Variants in DOCK1 observed in about 807,000 individuals in gnomAD.
The protein encoded by DOCK1 is dedicator of cytokinesis 1, also known as dedicator of cytokinesis protein 1.
A neutral mutation model predicts 262.7 loss-of-function variants in DOCK1; 138 were observed. The ratio of observed to expected loss-of-function variants is 0.53; its 90% CI spans 0.46 to 0.61. The LOEUF (loss-of-function observed/expected upper bound fraction) is 0.61. Ranked by LOEUF, DOCK1 falls within the 20% of genes least tolerant of loss-of-function variation. The probability of loss-of-function intolerance (pLI) is 0.00; values close to 1 mark genes in which losing one functional copy is unlikely to be tolerated. For synonymous variants in DOCK1, 866 were observed against 867.4 expected, an observed-to-expected ratio of 1.00 and a Z score of 0.03; for missense variants, 1,908 against 2,370.7, an observed-to-expected ratio of 0.80 and a Z score of 4.05.
At chr10:126,976,039 C>T (rs1010565371) in intron 2 of DOCK1, among the ~76,000 whole-genome samples, 1 of 152,162 alleles carries the variant, frequency 6.6e-6, no homozygotes, top group Admixed American at 6.5e-5. Context: ...GTTGAAAATG[C>T]AGGAAGACTA....
chr10:127,342,499 G>A (rs2386830), intron 30 of DOCK1, among the ~76,000 whole-genome samples: 102,639 of 151,994 alleles, frequency 0.68, 35,474 homozygotes, highest in Middle Eastern at 0.77. Flanking sequence ...ATTCTGTGGT[G>A]ATCAAATGAG....
At chr10:127,093,242 C>CTTTTCTTTCTTTCTTTCTTTCTTTCT (rs2047679021) in intron 23 of DOCK1, among the ~76,000 whole-genome samples, 1 of 79,342 alleles carries the variant, frequency 1.3e-5, no homozygotes, top group African/African-American at 6.7e-5. Context: ...TTTCTTTCTT[C>CTTTTCTTTCTTTCTTTCTTTCTTTCT]TTTTTTTTTT....
chr10:127,205,315 C>T (rs549124389), intron 27 of DOCK1, among the ~76,000 whole-genome samples: 1 of 152,316 alleles, frequency 6.6e-6, no homozygotes, highest in East Asian at 1.9e-4. Context: ...TTCTCTGCTT[C>T]CGACTCCAGC....
intron 32 of DOCK1, among the ~76,000 whole-genome samples, chr10:127,360,390 CA>C (rs2064356804): frequency 6.6e-6 from 1 of 152,226 alleles, no homozygotes; most frequent in South Asian, 2.1e-4. Context: ...GCCACCACAT[CA>C]GGCCCAGCTG....
intron 25 of DOCK1, among the ~76,000 whole-genome samples, chr10:127,119,049 C>CTTTT (rs10655577): frequency 7.1e-4 from 104 of 146,070 alleles, no homozygotes; most frequent in African/African-American, 2.2e-3. Context: ...AGGAATCAGG[C>CTTTT]TTTTTTTTTT....
At chr10:127,195,589 A>C (rs1564893000) in intron 27 of DOCK1, among the ~76,000 whole-genome samples, 1 of 151,692 alleles carries the variant, frequency 6.6e-6, no homozygotes, top group East Asian at 1.9e-4. Flanking sequence ...AAAATACTTA[A>C]AAGCCTCGAA....
At chr10:127,212,664 T>G (rs1407141270) in intron 27 of DOCK1, among the ~76,000 whole-genome samples, 1 of 152,064 alleles carries the variant, frequency 6.6e-6, no homozygotes, top group Non-Finnish European at 1.5e-5. Flanking sequence ...AGTGTTGTTT[T>G]TTTTTTCTCA....
At chr10:127,346,587 C>T (rs1487013959) in intron 31 of DOCK1, among the ~76,000 whole-genome samples, 1 of 152,130 alleles carries the variant, frequency 6.6e-6, no homozygotes, top group Non-Finnish European at 1.5e-5. Context: ...CAGAGTGAGA[C>T]CGTCTGTCTC....
At chr10:127,144,152 T>A (rs948270116) in intron 27 of DOCK1, among the ~76,000 whole-genome samples, 1 of 152,184 alleles carries the variant, frequency 6.6e-6, no homozygotes, top group Non-Finnish European at 1.5e-5. Context: ...TTAGTCTCCC[T>A]CACTCTCTGT....
In DOCK1 at chr10:127,451,481, C is replaced by T. The variant is rs759482443; in HGVS notation, c.*54C>T. ...CTGCCCCTCCCCATCTCCATGCCCT[C>T]TCCTTCTGTGTCCCCTGAGTCTGCT... On this transcript the variant is annotated 3_prime_UTR_variant, in exon 52 of 52. Coordinates refer to ENST00000623213, the MANE Select transcript of DOCK1 (RefSeq NM_001290223.2). 36 of 1,549,482 alleles carry T rather than the reference C, an allele frequency of 2.3e-5. No individual in the cohort carries two copies. Among genetic ancestry groups the T allele is most frequent in the Non-Finnish European group, 1.7e-5 (19 of 1,147,074 alleles).
intron 2 of DOCK1, 116 bp downstream of exon 2, chr10:126,970,901 T>C: frequency 8.6e-7 from 1 of 1,158,622 alleles, no homozygotes; most frequent in South Asian, 1.9e-5. Flanking sequence ...TCATGCTTCC[T>C]TCTCAGGCTC....
intron 27 of DOCK1, among the ~76,000 whole-genome samples, chr10:127,211,164 T>C (rs919183466): frequency 6.6e-6 from 1 of 152,164 alleles, no homozygotes; most frequent in Non-Finnish European, 1.5e-5. Context: ...CTTAAAGCCT[T>C]AGCTGGGCTG....
chr10:126,917,159 C>T (rs1458516085), intron 1 of DOCK1, among the ~76,000 whole-genome samples: 1 of 152,180 alleles, frequency 6.6e-6, no homozygotes, highest in Non-Finnish European at 1.5e-5. Flanking sequence ...ACCCTGGAGT[C>T]GAGCATATTG....
chr10:127,006,567 T>C (rs1453844066), intron 10 of DOCK1, among the ~76,000 whole-genome samples: 1 of 152,198 alleles, frequency 6.6e-6, no homozygotes, highest in East Asian at 1.9e-4. Context: ...CGTGGGGCTG[T>C]GTGCGGAAGA....
intron 29 of DOCK1, among the ~76,000 whole-genome samples, chr10:127,280,824 A>T (rs1156768397): frequency 1.3e-5 from 2 of 151,288 alleles, no homozygotes; most frequent in African/African-American, 4.9e-5. Flanking sequence ...TCTCCTTTTC[A>T]TTTTTTCATT....
chr10:127,351,145 C>T lies in DOCK1; in HGVS notation c.3225-3524C>T, dbSNP rs77941744. On this transcript the variant is annotated intron_variant, in intron 31 of 51. Coordinates refer to ENST00000623213, the MANE Select transcript of DOCK1 (RefSeq NM_001290223.2). ...TTAGGCCACAGGGACCAAATTCACA[C>T]GATTTTATGTCCGGGTTACAGCCTG... is the stretch of plus-strand genomic sequence containing the variant. Among the ~76,000 whole-genome samples, 566 of 152,240 alleles carry T rather than the reference C, an allele frequency of 3.7e-3. 3 individuals carry two copies. The highest frequency in any genetic ancestry group is 0.012 in the African/African-American group (519 of 41,540).
chr10:126,949,085 G>C (rs1046752428), intron 1 of DOCK1, among the ~76,000 whole-genome samples: 2 of 152,108 alleles, frequency 1.3e-5, no homozygotes, highest in Non-Finnish European at 2.9e-5. Context: ...AGTGGTGCAC[G>C]TTCTGCTGGG....
intron 1 of DOCK1, among the ~76,000 whole-genome samples, chr10:126,944,718 C>T (rs1388716613): frequency 6.6e-6 from 1 of 151,940 alleles, no homozygotes; most frequent in African/African-American, 2.4e-5. Flanking sequence ...GATTGGGGCT[C>T]GTGTGGGCAA....
rs1329749514 is a variant in DOCK1 at position 126,995,376 on chromosome 10, T to C, written c.474-1372T>C. Among the ~76,000 whole-genome samples, 7 of 152,354 alleles carry C rather than the reference T, an allele frequency of 4.6e-5. No homozygotes were observed. The highest frequency in any genetic ancestry group is 2.0e-4 in the Admixed American group (3 of 15,306). Reference sequence around the variant, plus strand: ...ACTGAGCACTGGGTGAGCAAGACTCTGTCTGCAATCCCAGCACCTCGGGAG... The same window carrying C: ...ACTGAGCACTGGGTGAGCAAGACTCCGTCTGCAATCCCAGCACCTCGGGAG... On this transcript the variant is annotated intron_variant, in intron 6 of 51. Transcript: ENST00000623213. The surrounding 1 kb of genome is among the most constrained non-coding windows in gnomAD (Gnocchi z 5.8).
Sources: allele counts gnomAD v4.1 joint callset (sites outside exome capture counted in the v4.1 genomes callset), GRCh38; gene constraint gnomAD v4.1.1; non-coding constraint Gnocchi (gnomAD v3.1); transcripts MANE v1.5; gene names NCBI Gene and HGNC (gene_info 2026-07-23, HGNC 2026-07-21).